Variants in NELL2 observed in about 807,000 individuals in gnomAD.
The protein encoded by NELL2 is neural EGFL like 2.
In NELL2, 41 loss-of-function variants were observed where a neutral mutation model predicts 109.6. That is an observed-to-expected ratio of 0.37 (90% CI 0.29 to 0.49). The LOEUF is 0.49. Among genes scored for constraint, NELL2 ranks in the 20% least tolerant of loss-of-function variants. The pLI, the probability that NELL2 is intolerant of heterozygous loss-of-function variation, is 0.98. For missense variants in NELL2, 900 were observed against 1,008.3 expected, an observed-to-expected ratio of 0.89 and a Z score of 1.45; for synonymous variants, 355 against 344.7, an observed-to-expected ratio of 1.03 and a Z score of -0.33.
At chr12:44,585,274 T>C (rs1227592042) in intron 15 of NELL2, among the ~76,000 whole-genome samples, 1 of 152,128 alleles carries the variant, frequency 6.6e-6, no homozygotes, top group Non-Finnish European at 1.5e-5. Flanking sequence ...CCATTTGAAA[T>C]AGTAAAAGAT....
At chr12:44,765,439 C>T (rs187052799) in intron 9 of NELL2, among the ~76,000 whole-genome samples, 1 of 152,144 alleles carries the variant, frequency 6.6e-6, no homozygotes, top group African/African-American at 2.4e-5. Flanking sequence ...CTGATATGGC[C>T]CTATGGCTTA....
Position 44,776,905 on chromosome 12 carries a change from A to G in NELL2, c.762+137T>C, listed in dbSNP as rs978959653. 18 of 693,742 alleles carry G rather than the reference A, an allele frequency of 2.6e-5. No homozygotes were observed. In the African/African-American group the frequency reaches 3.1e-4, roughly 12 times the overall value. The allele number at this position is 693,742 out of a possible 1,614,324, so 43.0% of individuals were successfully genotyped here. ...AATATTTATAAGCCTTTCCTTAAGC[A>G]GAGATTTAGATTCAGTCCTAGCAAA... On this transcript the variant is annotated intron_variant, in intron 7 of 19. Transcript: ENST00000429094.
chr12:44,899,953 G>T (rs973447850), intron 1 of NELL2, among the ~76,000 whole-genome samples: 2 of 152,068 alleles, frequency 1.3e-5, no homozygotes, highest in Non-Finnish European at 2.9e-5. Flanking sequence ...AAAAGCAGAG[G>T]TTGCAATTTT....
chr12:44,878,363 A>G (rs1286079084), upstream of NELL2, among the ~76,000 whole-genome samples: 2 of 152,210 alleles, frequency 1.3e-5, no homozygotes, highest in African/African-American at 4.8e-5. Flanking sequence ...TTGTTTCTCT[A>G]AAACTAAGGT....
chr12:44,829,053 A>G (rs1205204585), intron 2 of NELL2, among the ~76,000 whole-genome samples: 3 of 152,178 alleles, frequency 2.0e-5, no homozygotes, highest in Non-Finnish European at 2.9e-5. Flanking sequence ...CAGCCAAGTT[A>G]CCAGCTGTTT....
chr12:44,531,139 T>C (rs531658153), intron 16 of NELL2, among the ~76,000 whole-genome samples: 34 of 152,148 alleles, frequency 2.2e-4, no homozygotes, highest in African/African-American at 7.9e-4. Context: ...AAATTAAACA[T>C]AGGTAACCCC....
At chr12:44,652,284 T>C (rs1947326619) in intron 13 of NELL2, among the ~76,000 whole-genome samples, 1 of 152,110 alleles carries the variant, frequency 6.6e-6, no homozygotes, top group Admixed American at 6.6e-5. Context: ...CAGAATCTCC[T>C]AAAAAAAGAG....
In NELL2 at chr12:44,853,560, G is replaced by C. The variant is rs74082549; in HGVS notation, c.184+21665C>G. Among the ~76,000 whole-genome samples the C allele has an allele frequency of 7.2e-3, 1,095 of 152,162 alleles. 14 individuals are homozygous for C. Among genetic ancestry groups the C allele is most frequent in the African/African-American group, 0.025 (1,042 of 41,516 alleles). ...GAAAGGCAAAAACATAAAGCCTAGA[G>C]TCATAGTGCTTTCCTGAGTTGGTTG... On this transcript the variant is annotated intron_variant, in intron 2 of 19. Coordinates refer to ENST00000429094, the MANE Select transcript of NELL2 (RefSeq NM_001145108.2).
intron 15 of NELL2, among the ~76,000 whole-genome samples, chr12:44,564,435 A>G (rs1943581291): frequency 6.6e-6 from 1 of 152,198 alleles, no homozygotes; most frequent in Non-Finnish European, 1.5e-5. Flanking sequence ...TTCTGTTTTC[A>G]GTATTTATAT....
chr12:44,800,058 T>G (rs1942777319), intron 3 of NELL2, among the ~76,000 whole-genome samples: 1 of 152,000 alleles, frequency 6.6e-6, no homozygotes, highest in Admixed American at 6.6e-5. Context: ...GATATAGAAA[T>G]ATACAGACAC....
rs1942127917 is a variant in NELL2 at position 44,532,634 on chromosome 12, C to T, written c.1751G>A (p.Arg584Lys). Reference sequence around the variant, plus strand: ...CATCCCATTGTCATGGTAGCCATCTCTGCACTCACAGTGGTACCATCCAGG... The same window carrying T: ...CATCCCATTGTCATGGTAGCCATCTTTGCACTCACAGTGGTACCATCCAGG... ...NLPGWYHCECRDGYHDNGMFS... is the reference protein window; with the variant it reads ...NLPGWYHCECKDGYHDNGMFS... The change falls in exon 16 of 20, where the codon AGA (arginine) becomes AAA (lysine). Residue 584 changes from arginine (R) to lysine (K), a missense_variant. Coordinates refer to ENST00000429094, the MANE Select transcript of NELL2 (RefSeq NM_001145108.2). 1.2e-6 allele frequency: 2 copies of T among 1,613,728 alleles called. No homozygotes were observed. The highest frequency in any genetic ancestry group is 8.5e-7 in the Non-Finnish European group (1 of 1,179,730).
chr12:44,875,350 C>G lies in NELL2; in HGVS notation c.59G>C (p.Trp20Ser). The G allele has an allele frequency of 6.2e-7, 1 of 1,614,092 alleles. No homozygotes were observed. Among genetic ancestry groups the G allele is most frequent in the East Asian group, 2.2e-5 (1 of 44,872 alleles). Residue 20 changes from tryptophan (W) to serine (S), a missense_variant, in exon 2 of 20, where the codon TGG (tryptophan) becomes TCG (serine). By Grantham distance (177) the Trp-to-Ser change is radical (BLOSUM62 -3). Coordinates refer to ENST00000429094, the MANE Select transcript of NELL2 (RefSeq NM_001145108.2). ...FCLIFGLGAV[W>S]GLGVDPSLQI... ...TAGGGAAGGGTCCACACCAAGCCCC[C>G]AAACTGGTGAGGGGTATGAGGTGGG...
At chr12:44,624,998 A>ATG (rs1946195573) in intron 13 of NELL2, among the ~76,000 whole-genome samples, 1 of 42,444 alleles carries the variant, frequency 2.4e-5, no homozygotes, top group Non-Finnish European at 4.2e-5. Context: ...ATGTGTGTGT[A>ATG]TATATATATA....
At chr12:44,870,959 C>A (rs1025960986) in intron 2 of NELL2, among the ~76,000 whole-genome samples, 1 of 152,176 alleles carries the variant, frequency 6.6e-6, no homozygotes. Context: ...ATTTTCAATT[C>A]TGCTCTATTA....
At chr12:44,823,733 A>C (rs1943615705) in intron 2 of NELL2, among the ~76,000 whole-genome samples, 1 of 152,194 alleles carries the variant, frequency 6.6e-6, no homozygotes, top group South Asian at 2.1e-4. Flanking sequence ...TACTGATCTC[A>C]TTTCCTTTAG....
At chr12:44,643,407 T>C (rs1946932844) in intron 13 of NELL2, among the ~76,000 whole-genome samples, 1 of 152,060 alleles carries the variant, frequency 6.6e-6, no homozygotes, top group Admixed American at 6.6e-5. Flanking sequence ...ATAATTCCAA[T>C]GTAATTTACA....
chr12:44,862,059 T>A (rs2658959), intron 2 of NELL2, among the ~76,000 whole-genome samples: 1 of 151,558 alleles, frequency 6.6e-6, no homozygotes, highest in Non-Finnish European at 1.5e-5. Context: ...TGACAAAGCA[T>A]CCAAAACAAT....
chr12:44,829,344 A>G (rs949514954), intron 2 of NELL2, among the ~76,000 whole-genome samples: 2 of 152,144 alleles, frequency 1.3e-5, no homozygotes, highest in Non-Finnish European at 2.9e-5. Context: ...TCCTTTTAAC[A>G]CATGTAGCAA....
chr12:44,648,712 T>C (rs1592267007), intron 13 of NELL2, among the ~76,000 whole-genome samples: 2 of 110,496 alleles, frequency 1.8e-5, no homozygotes, highest in South Asian at 5.5e-4. Flanking sequence ...AATGCCATCA[T>C]ATATATATAT....
Sources: allele counts gnomAD v4.1 joint callset (sites outside exome capture counted in the v4.1 genomes callset), GRCh38; gene constraint gnomAD v4.1.1; transcripts MANE v1.5; gene names NCBI Gene and HGNC (gene_info 2026-07-23, HGNC 2026-07-21).